SLC16A12: variants seen among roughly 807,000 people sequenced by gnomAD.
SLC16A12 encodes the protein solute carrier family 16 member 12.
A neutral mutation model predicts 42.4 loss-of-function variants in SLC16A12; 17 were observed. That is an observed-to-expected ratio of 0.40 (90% CI 0.27 to 0.60). The LOEUF (loss-of-function observed/expected upper bound fraction) is 0.60. Among genes scored for constraint, SLC16A12 ranks in the 20% least tolerant of loss-of-function variants. SLC16A12 has a pLI of 0.42. For synonymous variants in SLC16A12, 224 were observed against 229.4 expected (o/e 0.98, Z 0.21); for missense variants, 544 against 623.0 (o/e 0.87, Z 1.35).
At chr10:89,456,676 A>G (rs1000064270) in intron 3 of SLC16A12, among the ~76,000 whole-genome samples, 9 of 151,894 alleles carry the variant, frequency 5.9e-5, no homozygotes, top group Non-Finnish European at 1.5e-5. Flanking sequence ...TGCATTAGCT[A>G]TTTTTCCTGA....
At chr10:89,434,749 TCA>T (rs1841751416) in intron 7 of SLC16A12, among the ~76,000 whole-genome samples, 1 of 152,240 alleles carries the variant, frequency 6.6e-6, no homozygotes, top group Non-Finnish European at 1.5e-5. Flanking sequence ...GTTCACTCTC[TCA>T]GTTTTAATTT....
intron 2 of SLC16A12, among the ~76,000 whole-genome samples, chr10:89,503,790 G>A (rs1244787268): frequency 1.3e-5 from 2 of 152,204 alleles, no homozygotes; most frequent in Non-Finnish European, 2.9e-5. Flanking sequence ...AGAGGCCACT[G>A]TAGCCAGCTG....
rs140612809 is a variant in SLC16A12, at chr10:89,483,883, G to A, written c.-46-21259C>T. Among the ~76,000 whole-genome samples, 407 of 152,160 alleles carry A rather than the reference G, an allele frequency of 2.7e-3. 4 individuals carry two copies. The highest frequency in any genetic ancestry group is 9.3e-3 in the African/African-American group (386 of 41,478). On this transcript the variant is annotated intron_variant, in intron 2 of 7. Coordinates refer to ENST00000371790, the MANE Select transcript of SLC16A12 (RefSeq NM_213606.4). ...CATTTAATTCTCACAAAAACCCTCT[G>A]ATACATGTATTATAATGCTGTGGTC... is the stretch of plus-strand genomic sequence containing the variant.
In SLC16A12 at chr10:89,432,962, G is replaced by T. The variant is rs538311425; in HGVS notation, c.*102C>A. The T allele has an allele frequency of 2.8e-5, 41 of 1,445,548 alleles. 2 individuals are homozygous for T. Among genetic ancestry groups the T allele is most frequent in the African/African-American group, 2.4e-4 (17 of 69,698 alleles). The allele number at this position is 1,445,548 out of a possible 1,614,324, so 89.5% of individuals were successfully genotyped here. ...ACAAAACAATAATAATAATTTCCTT[G>T]GAAGGCAATCCTTCTGCCAAAATAA... is the stretch of plus-strand genomic sequence containing the variant. On this transcript the variant is annotated 3_prime_UTR_variant, in exon 8 of 8. Transcript: ENST00000371790.
intron 3 of SLC16A12, among the ~76,000 whole-genome samples, chr10:89,459,516 A>ATGTGTGTGTGTGTGTGTGTGTGTGTGTG (rs58259835): frequency 6.5e-4 from 97 of 149,746 alleles, no homozygotes; most frequent in East Asian, 5.9e-3. Flanking sequence ...TTCTGTGTTT[A>ATGTGTGTGTGTGTGTGTGTGTGTGTGTG]TGTGTGTGTG....
chr10:89,432,508 C>T lies in SLC16A12; in HGVS notation c.*556G>A, dbSNP rs923500402. The T allele has an allele frequency of 6.6e-6, 1 of 152,450 alleles. No individual in the cohort carries two copies. The highest frequency in any genetic ancestry group is 2.4e-5 in the African/African-American group (1 of 41,422). The allele number at this position is 152,450 out of a possible 1,614,324, so 9.4% of individuals were successfully genotyped here. A position where few individuals can be genotyped will look rare whatever the true frequency, so the allele number is the denominator to read the frequency against. The stretch of plus-strand genomic sequence containing the variant: ...TAAGAGTTTCTTTCTATATTAATCA[C>T]CACTTTTTGAAGAATCTCAAGTATT... On this transcript the variant is annotated 3_prime_UTR_variant, in exon 8 of 8. Coordinates refer to ENST00000371790, the MANE Select transcript of SLC16A12 (RefSeq NM_213606.4).
chr10:89,459,711 C>T (rs553078305), intron 3 of SLC16A12, among the ~76,000 whole-genome samples: 12 of 152,160 alleles, frequency 7.9e-5, no homozygotes, highest in South Asian at 2.1e-4. Context: ...GAGGCTGAGG[C>T]GGCAGATCAC....
rs1344464085 is a variant in SLC16A12 at position 89,438,907 on chromosome 10, C to T, written c.725G>A (p.Cys242Tyr). The T allele has an allele frequency of 6.2e-7, 1 of 1,614,202 alleles. No individual in the cohort carries two copies. The highest frequency in any genetic ancestry group is 8.5e-7 in the Non-Finnish European group (1 of 1,180,030). The change falls in exon 6 of 8, where the codon TGT becomes TAT. Residue 242 changes from cysteine (C) to tyrosine (Y), a missense_variant. Cys to Tyr is a radical substitution (Grantham distance 194). Transcript: ENST00000371790. ...DHTTPEQNHV[C>Y]RTQKEDIKRV... ...CTTAATGTCTTCTTTCTGAGTTCTA[C>T]ACACATGGTTCTGCTCTGGAGTTGT...
chr10:89,442,413 A>G (rs973835240), intron 4 of SLC16A12, among the ~76,000 whole-genome samples: 2 of 152,174 alleles, frequency 1.3e-5, no homozygotes, highest in African/African-American at 4.8e-5. Flanking sequence ...AACCATATTG[A>G]CTGTGTGACC....
At chr10:89,552,011 C>G (rs1157591669) in intron 2 of SLC16A12, among the ~76,000 whole-genome samples, 2 of 152,206 alleles carry the variant, frequency 1.3e-5, no homozygotes, top group African/African-American at 4.8e-5. Flanking sequence ...TCTCAGCTCA[C>G]TGCAACCTCC....
intron 2 of SLC16A12, among the ~76,000 whole-genome samples, chr10:89,529,160 G>A (rs1455104554): frequency 6.6e-6 from 1 of 152,160 alleles, no homozygotes; most frequent in Admixed American, 6.5e-5. Context: ...GGCTATGAAT[G>A]TGGTTGCTTT....
intron 2 of SLC16A12, among the ~76,000 whole-genome samples, chr10:89,545,198 G>A (rs1393058357): frequency 4.6e-5 from 7 of 152,172 alleles, no homozygotes; most frequent in Admixed American, 4.6e-4. Context: ...ACTGAGACCA[G>A]CTGAGATCAG....
At chr10:89,555,476 T>TGTATATATAC (rs932009700) in intron 2 of SLC16A12, among the ~76,000 whole-genome samples, 1 of 148,334 alleles carries the variant, frequency 6.7e-6, no homozygotes, top group South Asian at 2.1e-4. Context: ...TATATATATG[T>TGTATATATAC]GTATATATAC....
intron 7 of SLC16A12, 124 bp downstream of exon 7, chr10:89,435,936 T>C (rs1263239763): frequency 1.4e-6 from 2 of 1,408,050 alleles, no homozygotes; most frequent in African/African-American, 1.4e-5. Context: ...CTTATATCCC[T>C]TTTCTCTTTC....
At chr10:89,440,972 A>G in intron 5 of SLC16A12, 136 bp downstream of exon 5, 2 of 1,026,870 alleles carry the variant, frequency 1.9e-6, no homozygotes, top group Non-Finnish European at 3.0e-6. Context: ...TTTAACTGCT[A>G]GGTAGGTAGA....
At chr10:89,545,629 A>C (rs1037539190) in intron 2 of SLC16A12, among the ~76,000 whole-genome samples, 2 of 152,252 alleles carry the variant, frequency 1.3e-5, no homozygotes, top group African/African-American at 4.8e-5. Flanking sequence ...GAAAATGGCC[A>C]TACTGCCCAA....
At position 89,462,584 on chromosome 10, in the gene SLC16A12, G is replaced by A. The variant is rs1228593892; in HGVS notation, c.-6C>T. 1 of 1,599,680 alleles carries A rather than the reference G, an allele frequency of 6.3e-7. No homozygotes were observed. The highest frequency in any genetic ancestry group is 1.1e-5 in the South Asian group (1 of 90,274). On this transcript the variant is annotated 5_prime_UTR_variant, in exon 3 of 8. Coordinates refer to ENST00000371790, the MANE Select transcript of SLC16A12 (RefSeq NM_213606.4). ...CAGTGACTTCCTGATGGCATTCAAG[G>A]TTGGCATAGAACGCTACCTGGCCCA...
chr10:89,535,776 C>G (rs1843648729), upstream of SLC16A12, among the ~76,000 whole-genome samples: 1 of 152,042 alleles, frequency 6.6e-6, no homozygotes, highest in South Asian at 2.1e-4. Context: ...GGCCCCTTCC[C>G]GGGCCCCAGG....
intron 2 of SLC16A12, among the ~76,000 whole-genome samples, chr10:89,475,446 C>A (rs1485361942): frequency 6.6e-6 from 1 of 152,186 alleles, no homozygotes; most frequent in Non-Finnish European, 1.5e-5. Context: ...GCCTCTGGAT[C>A]CTGGAGATGC....
Sources: gnomAD v4.1 joint callset for allele counts (sites outside exome capture counted in the v4.1 genomes callset) on GRCh38, gnomAD v4.1.1 for gene constraint, MANE v1.5 for transcripts, NCBI Gene and HGNC (gene_info 2026-07-23, HGNC 2026-07-21) for gene names.